Variants in JAKMIP1 observed in about 807,000 individuals in gnomAD.
JAKMIP1 encodes janus kinase and microtubule interacting protein 1, also known as janus kinase and microtubule-interacting protein 1.
In JAKMIP1, 33 loss-of-function variants were observed where a neutral mutation model predicts 113.0. That is an observed-to-expected ratio of 0.29 (90% CI 0.22 to 0.39). The LOEUF (loss-of-function observed/expected upper bound fraction) is 0.39. Among genes scored for constraint, JAKMIP1 ranks in the 10% least tolerant of loss-of-function variants. The pLI, the probability that JAKMIP1 is intolerant of heterozygous loss-of-function variation, is 1.00. For missense variants in JAKMIP1, 813 were observed against 1,080.5 expected (o/e 0.75, Z 3.47); for synonymous variants, 480 against 459.9 (o/e 1.04, Z -0.56).
At chr4:6,160,549 T>C (rs1722780325) in intron 1 of JAKMIP1, among the ~76,000 whole-genome samples, 2 of 152,000 alleles carry the variant, frequency 1.3e-5, no homozygotes, top group Non-Finnish European at 2.9e-5. Context: ...CCTAGACCCC[T>C]TCCCATTCCC....
rs10470721 is a variant in JAKMIP1, at chr4:6,194,235, C to T, written c.-148+6018G>A. Among the ~76,000 whole-genome samples, 66,590 of 151,760 alleles carry T rather than the reference C, an allele frequency of 0.44. 15,830 individuals are homozygous for T. Among genetic ancestry groups the T allele is most frequent in the East Asian group, 0.61 (3,120 of 5,132 alleles). ...GATTGAGGTGACAGTTGCACAACAT[C>T]GTGAATGCAGTAAATGCCACCGAAT... On this transcript the variant is annotated intron_variant, in intron 1 of 20. Coordinates refer to ENST00000409021, the MANE Select transcript of JAKMIP1 (RefSeq NM_001099433.2). This position sits in a 1 kb window ranked among gnomAD's most constrained non-coding sequence, Gnocchi z 7.4.
chr4:6,175,279 A>C (rs187658450), intron 1 of JAKMIP1, among the ~76,000 whole-genome samples: 1 of 152,324 alleles, frequency 6.6e-6, no homozygotes, highest in Admixed American at 6.5e-5. Context: ...CCGGGACACA[A>C]GTAAGTGAGC....
At position 6,139,770 on chromosome 4, in the gene JAKMIP1, T is replaced by TATAAAATAAAATAAA. The variant is rs74997830; in HGVS notation, c.-147-26788_-147-26774dup. On this transcript the variant is annotated intron_variant, in intron 1 of 20. Coordinates refer to ENST00000409021, the MANE Select transcript of JAKMIP1 (RefSeq NM_001099433.2). The surrounding 1 kb of genome is among the most constrained non-coding windows in gnomAD (Gnocchi z 5.2). Reference sequence around the variant, plus strand: ...GACAGAGTGAGACTCCATCTCAAAATATAAAATAAAATAAAATAAAATAAA... The same window carrying TATAAAATAAAATAAA: ...GACAGAGTGAGACTCCATCTCAAAATATAAAATAAAATAAAATAAAATAAAATAAAATAAAATAAA... Among the ~76,000 whole-genome samples, 1,007 of 148,008 alleles carry TATAAAATAAAATAAA rather than the reference T, an allele frequency of 6.8e-3. 14 individuals carry two copies. Among genetic ancestry groups the TATAAAATAAAATAAA allele is most frequent in the African/African-American group, 0.024 (957 of 39,844 alleles).
rs35192547 is a variant in JAKMIP1, at chr4:6,152,789, A to AATATATATATATATATATATAT, written c.-147-39793_-147-39792insATATATATATATATATATATAT. On this transcript the variant is annotated intron_variant, in intron 1 of 20. Coordinates refer to ENST00000409021, the MANE Select transcript of JAKMIP1 (RefSeq NM_001099433.2). The stretch of plus-strand genomic sequence containing the variant: ...AAACTCTGTCTCTACTAAAAATACA[A>AATATATATATATATATATATAT]ATATATATATATATATATATACATA... Among the ~76,000 whole-genome samples, 188 of 135,144 alleles carry AATATATATATATATATATATAT rather than the reference A, an allele frequency of 1.4e-3. 3 individuals are homozygous for AATATATATATATATATATATAT. Among genetic ancestry groups the AATATATATATATATATATATAT allele is most frequent in the African/African-American group, 5.2e-3 (182 of 34,820 alleles). The allele number at this position is 135,144 out of a possible 152,430, so 88.7% of individuals were successfully genotyped here.
chr4:6,110,631 C>A (rs753730198), intron 2 of JAKMIP1, among the ~76,000 whole-genome samples: 1 of 142,508 alleles, frequency 7.0e-6, no homozygotes, highest in Admixed American at 7.4e-5. Context: ...GTCATGTGAG[C>A]GTATGACAGG....
chr4:6,039,038 C>A (rs546941615), intron 18 of JAKMIP1, among the ~76,000 whole-genome samples: 1 of 152,346 alleles, frequency 6.6e-6, no homozygotes, highest in East Asian at 1.9e-4. Flanking sequence ...CCAGGGGCTG[C>A]GTCAGAACTC....
intron 5 of JAKMIP1, among the ~76,000 whole-genome samples, chr4:6,084,304 G>A (rs987912040): frequency 2.0e-4 from 28 of 139,028 alleles, no homozygotes; most frequent in African/African-American, 6.4e-4. Flanking sequence ...GGCGACAAGA[G>A]TGAAACTTTA....
chr4:6,075,202 T>C (rs1027333846), intron 8 of JAKMIP1, among the ~76,000 whole-genome samples: 1 of 152,110 alleles, frequency 6.6e-6, no homozygotes, highest in African/African-American at 2.4e-5. Context: ...AGTCTGTATA[T>C]GTTCAGTAGA....
intron 13 of JAKMIP1, 144 bp downstream of exon 13, chr4:6,053,906 A>T: frequency 6.5e-7 from 1 of 1,532,172 alleles, no homozygotes. Context: ...TTTAAAAAAA[A>T]AAAGAAAGAA....
chr4:6,040,706 C>T lies in JAKMIP1; in HGVS notation c.2108G>A (p.Ser703Asn). The T allele has an allele frequency of 1.2e-6, 2 of 1,613,222 alleles. No individual in the cohort carries two copies. The highest frequency in any genetic ancestry group is 1.7e-6 in the Non-Finnish European group (2 of 1,179,488). Residue 703 changes from serine to asparagine, a missense_variant, in exon 18 of 21, where the codon AGC (serine) becomes AAC (asparagine). By Grantham distance (46) the Ser-to-Asn change is conservative (BLOSUM62 1). This residue lies in a region of JAKMIP1 where 273 missense variants were observed against 426.6 expected (regional missense o/e 0.64). Transcript: ENST00000409021. This position sits in a 1 kb window ranked among gnomAD's most constrained non-coding sequence, Gnocchi z 5.8. ...CTCTTCCAGGTAGCCCTTCTGCCTG[C>T]TGAACAGGTCCTGAGAAAGAGGGAG... ...LDLEKEKDLF[S>N]RQKGYLEEEL...
At chr4:6,083,189 G>A (rs900317712) in intron 5 of JAKMIP1, among the ~76,000 whole-genome samples, 9 of 151,940 alleles carry the variant, frequency 5.9e-5, no homozygotes, top group Admixed American at 3.3e-4. Context: ...GATCACTTGA[G>A]GTCAGGAGTT....
rs1006421026 is a variant in JAKMIP1, at chr4:6,093,415, T to C, written c.625-7786A>G. Among the ~76,000 whole-genome samples, 2 of 152,204 alleles carry C rather than the reference T, an allele frequency of 1.3e-5. No individual in the cohort carries two copies. Among genetic ancestry groups the C allele is most frequent in the Non-Finnish European group, 2.9e-5 (2 of 68,036 alleles). ...GGCTATATGTGTTCTTGGGCCATTCTGACTGACAGCAAATTTCATGGCCAT... is the reference window on the plus strand; with the variant it reads ...GGCTATATGTGTTCTTGGGCCATTCCGACTGACAGCAAATTTCATGGCCAT... On this transcript the variant is annotated intron_variant, in intron 3 of 20. Coordinates refer to ENST00000409021, the MANE Select transcript of JAKMIP1 (RefSeq NM_001099433.2). This position sits in a 1 kb window ranked among gnomAD's most constrained non-coding sequence, Gnocchi z 4.6.
At chr4:6,052,121 A>AT (rs1050420529) in intron 13 of JAKMIP1, among the ~76,000 whole-genome samples, 1 of 152,108 alleles carries the variant, frequency 6.6e-6, no homozygotes, top group Non-Finnish European at 1.5e-5. Flanking sequence ...CACTAATTCA[A>AT]TCAATTTCCA....
Position 6,080,061 on chromosome 4 carries a change from C to T in JAKMIP1, c.1242+111G>A. The T allele has an allele frequency of 1.5e-6, 2 of 1,307,454 alleles. No homozygotes were observed. Among genetic ancestry groups the T allele is most frequent in the Non-Finnish European group, 2.1e-6 (2 of 965,196 alleles). 81.0% of individuals were successfully genotyped at this position (1,307,454 alleles called of 1,614,324 possible). On this transcript the variant is annotated intron_variant, in intron 7 of 20. Transcript: ENST00000409021. The surrounding 1 kb of genome is among the most constrained non-coding windows in gnomAD (Gnocchi z 6.0). ...GAGTCCCAAAGTCAGCACTGCCTGACCCTGACCCAGCTCAGCAGCATCACC... is the reference window on the plus strand; with the variant it reads ...GAGTCCCAAAGTCAGCACTGCCTGATCCTGACCCAGCTCAGCAGCATCACC...
At chr4:6,072,124 A>T (rs1239813513) in intron 8 of JAKMIP1, among the ~76,000 whole-genome samples, 1 of 152,188 alleles carries the variant, frequency 6.6e-6, no homozygotes, top group Non-Finnish European at 1.5e-5. Context: ...TGATTTACTG[A>T]GCACAAGACA....
chr4:6,068,187 C>T (rs1217097569), intron 8 of JAKMIP1, among the ~76,000 whole-genome samples: 1 of 152,208 alleles, frequency 6.6e-6, no homozygotes, highest in African/African-American at 2.4e-5. Context: ...GAAAACCCTA[C>T]AGGACTGCTA....
intron 8 of JAKMIP1, among the ~76,000 whole-genome samples, chr4:6,068,992 A>T (rs908032820): frequency 6.6e-6 from 1 of 152,242 alleles, no homozygotes; most frequent in African/African-American, 2.4e-5. Context: ...CAGTAAGCCT[A>T]CATGTACTCG....
chr4:6,159,602 G>A (rs1055472084), intron 1 of JAKMIP1, among the ~76,000 whole-genome samples: 3 of 152,232 alleles, frequency 2.0e-5, no homozygotes, highest in African/African-American at 7.2e-5. Flanking sequence ...TGTTCAGCCT[G>A]CCTGGTAACT....
chr4:6,125,847 ACCCC>A (rs1406073478), intron 1 of JAKMIP1, among the ~76,000 whole-genome samples: 1 of 15,792 alleles, frequency 6.3e-5, no homozygotes, highest in East Asian at 1.5e-3. Context: ...ACACACACAC[ACCCC>A]CCATACAGAA....
Sources: allele counts gnomAD v4.1 joint callset (sites outside exome capture counted in the v4.1 genomes callset), GRCh38; gene constraint gnomAD v4.1.1; regional missense constraint gnomAD v4.1.1; non-coding constraint Gnocchi (gnomAD v3.1); transcripts MANE v1.5; gene names NCBI Gene and HGNC (gene_info 2026-07-23, HGNC 2026-07-21).